Variants in PRLR observed in about 807,000 individuals in gnomAD.
PRLR encodes prolactin receptor.
PRLR carries 13 observed loss-of-function variants against 40.2 expected under a neutral mutation model. The ratio of observed to expected loss-of-function variants is 0.32; its 90% CI spans 0.21 to 0.51. PRLR has a LOEUF of 0.51. Ranked by LOEUF, PRLR falls within the 20% of genes least tolerant of loss-of-function variation. The pLI, the probability that PRLR is intolerant of heterozygous loss-of-function variation, is 0.97. For synonymous variants in PRLR, 269 were observed against 278.7 expected, an observed-to-expected ratio of 0.97 and a Z score of 0.35; for missense variants, 656 against 747.3, an observed-to-expected ratio of 0.88 and a Z score of 1.42.
downstream of PRLR, among the ~76,000 whole-genome samples, chr5:35,053,987 C>G (rs980280324): frequency 7.2e-5 from 11 of 152,094 alleles, no homozygotes; most frequent in Non-Finnish European, 1.6e-4. Context: ...CCTGGACTAA[C>G]ATTTGGGCAT....
At chr5:35,101,309 T>C (rs1771861689) in intron 2 of PRLR, among the ~76,000 whole-genome samples, 5 of 152,228 alleles carry the variant, frequency 3.3e-5, no homozygotes, top group Admixed American at 3.3e-4. Context: ...CCTTGAGTTG[T>C]GCAACTCTTT....
At position 35,113,479 on chromosome 5, in the gene PRLR, AT is replaced by A. The variant is rs1236763379; in HGVS notation, c.-44+4581del. 2.1e-3 allele frequency among the ~76,000 whole-genome samples: 301 copies of A among 145,782 alleles called. 7 individuals carry two copies. Among genetic ancestry groups the A allele is most frequent in the African/African-American group, 7.3e-3 (281 of 38,294 alleles). On this transcript the variant is annotated intron_variant, in intron 2 of 9. Transcript: ENST00000618457. ...CATCCATCCATCCATCCATCCATCCATCCATCCATCCACCCACCCACCTATC... is the reference window on the plus strand; with the variant it reads ...CATCCATCCATCCATCCATCCATCCACCATCCATCCACCCACCCACCTATC...
At chr5:35,166,751 A>G (rs987091427) in intron 1 of PRLR, among the ~76,000 whole-genome samples, 1 of 152,174 alleles carries the variant, frequency 6.6e-6, no homozygotes, top group Non-Finnish European at 1.5e-5. Flanking sequence ...TGAGGCACAC[A>G]TATAATGGCC....
At chr5:35,092,930 C>T (rs1315896446) in intron 2 of PRLR, among the ~76,000 whole-genome samples, 1 of 152,184 alleles carries the variant, frequency 6.6e-6, no homozygotes, top group Non-Finnish European at 1.5e-5. Context: ...CCTTAAGCTC[C>T]TCCCCTTACC....
rs1291355491 is a variant in PRLR, at chr5:35,063,348, G to A, written c.*1741C>T. On this transcript the variant is annotated 3_prime_UTR_variant, in exon 10 of 10. Transcript: ENST00000618457. ...GTTGGGGTGGAATATTTAACTCCCA[G>A]AGGTGAGCTCAAGTTCTCTATGTCC... The A allele has an allele frequency of 6.6e-6, 1 of 152,196 alleles. No homozygotes were observed. The highest frequency in any genetic ancestry group is 1.5e-5 in the Non-Finnish European group (1 of 68,038). The allele number at this position is 152,196 out of a possible 1,614,324, so 9.4% of individuals were successfully genotyped here. A position where few individuals can be genotyped will look rare whatever the true frequency, so the allele number is the denominator to read the frequency against.
chr5:35,108,159 A>G (rs13176215), intron 2 of PRLR, among the ~76,000 whole-genome samples: 13,734 of 152,074 alleles, frequency 0.09, 1,586 homozygotes, highest in African/African-American at 0.26. Flanking sequence ...AAAAGCCTTC[A>G]ACAAAATTCA....
intron 2 of PRLR, among the ~76,000 whole-genome samples, chr5:35,099,047 CT>C (rs1233468201): frequency 6.6e-6 from 1 of 152,208 alleles, no homozygotes; most frequent in African/African-American, 2.4e-5. Context: ...CCTGCTTTCC[CT>C]ACCCTCTCAG....
intron 1 of PRLR, among the ~76,000 whole-genome samples, chr5:35,136,958 A>AAAAAT (rs1773877807): frequency 6.6e-6 from 1 of 152,150 alleles, no homozygotes; most frequent in African/African-American, 2.4e-5. Flanking sequence ...AAGAAAAAAA[A>AAAAAT]AAAAGCCTAG....
intron 1 of PRLR, among the ~76,000 whole-genome samples, chr5:35,164,868 G>C (rs114214807): frequency 1.6e-3 from 237 of 152,176 alleles, no homozygotes; most frequent in African/African-American, 5.4e-3. Context: ...CAGGGACAAA[G>C]ATTTCAGGGA....
intron 1 of PRLR, among the ~76,000 whole-genome samples, chr5:35,167,262 G>A (rs182636531): frequency 5.4e-4 from 82 of 152,168 alleles, no homozygotes; most frequent in Admixed American, 8.5e-4. Flanking sequence ...AGATTGAGGC[G>A]AGTCTCATAC....
intron 7 of PRLR, 123 bp downstream of exon 7, chr5:35,070,001 T>C (rs537405936): frequency 9.9e-5 from 114 of 1,156,038 alleles, no homozygotes; most frequent in Non-Finnish European, 1.3e-4. Flanking sequence ...AGAAAGATTA[T>C]AAACCCACCT....
chr5:35,228,399 A>C (rs1295425680), intron 1 of PRLR, among the ~76,000 whole-genome samples: 3 of 152,128 alleles, frequency 2.0e-5, no homozygotes, highest in Non-Finnish European at 2.9e-5. Flanking sequence ...TGGCACTGCT[A>C]GTGGAACACC....
At chr5:35,144,313 G>C (rs1185581294) in intron 1 of PRLR, among the ~76,000 whole-genome samples, 3 of 152,130 alleles carry the variant, frequency 2.0e-5, no homozygotes, top group African/African-American at 7.2e-5. Context: ...TATAGTAACA[G>C]AACAAGTGAA....
intron 1 of PRLR, chr5:35,153,103 C>T (rs116237647): frequency 1.1e-3 from 161 of 152,196 alleles, no homozygotes; most frequent in African/African-American, 3.7e-3. Flanking sequence ...CTGAATAAGG[C>T]AAATCATGTA....
chr5:35,174,233 G>C (rs1396198489), intron 1 of PRLR, among the ~76,000 whole-genome samples: 2 of 152,162 alleles, frequency 1.3e-5, no homozygotes, highest in Non-Finnish European at 2.9e-5. Flanking sequence ...GGGACTACAG[G>C]CGTAGGCCGC....
chr5:35,100,588 G>A (rs1039224593), intron 2 of PRLR, among the ~76,000 whole-genome samples: 7 of 152,154 alleles, frequency 4.6e-5, no homozygotes, highest in Non-Finnish European at 8.8e-5. Context: ...GGAGCAATAG[G>A]CTATCCCATA....
intron 1 of PRLR, among the ~76,000 whole-genome samples, chr5:35,146,847 C>T (rs1774195721): frequency 6.6e-6 from 1 of 152,132 alleles, no homozygotes; most frequent in Non-Finnish European, 1.5e-5. Flanking sequence ...TGAAGCAAGG[C>T]TTCTTTCATT....
chr5:35,154,389 A>G (rs574128014), intron 1 of PRLR, among the ~76,000 whole-genome samples: 1 of 152,234 alleles, frequency 6.6e-6, no homozygotes, highest in African/African-American at 2.4e-5. Flanking sequence ...GTAGTTATTT[A>G]GTATCACACT....
chr5:35,222,846 T>C (rs1776458206), intron 1 of PRLR, among the ~76,000 whole-genome samples: 1 of 152,224 alleles, frequency 6.6e-6, no homozygotes, highest in Non-Finnish European at 1.5e-5. Context: ...ACTCCATTTC[T>C]CAATTTGTAA....
Sources: gnomAD v4.1 joint callset for allele counts (sites outside exome capture counted in the v4.1 genomes callset) on GRCh38, gnomAD v4.1.1 for gene constraint, MANE v1.5 for transcripts, NCBI Gene and HGNC (gene_info 2026-07-23, HGNC 2026-07-21) for gene names.